Variants in NOVA2 observed in about 807,000 individuals in gnomAD.
NOVA2 encodes the protein NOVA alternative splicing regulator 2.
In NOVA2, 9 loss-of-function variants were observed where a neutral mutation model predicts 22.5. The ratio of observed to expected loss-of-function variants is 0.40; its 90% confidence interval spans 0.24 to 0.70. The LOEUF (loss-of-function observed/expected upper bound fraction) is 0.70, where lower values mean the gene tolerates loss of function less well. Ranked by LOEUF, NOVA2 falls within the 30% of genes least tolerant of loss-of-function variation. NOVA2 has a pLI of 0.38. For missense variants in NOVA2, 383 were observed against 682.8 expected (o/e 0.56, Z 4.89); for synonymous variants, 318 against 335.2 (o/e 0.95, Z 0.56).
At chr19:45,965,622 C>T (rs906477100) in intron 1 of NOVA2, among the ~76,000 whole-genome samples, 1 of 151,944 alleles carries the variant, frequency 6.6e-6, no homozygotes, top group Non-Finnish European at 1.5e-5. Context: ...CCCAGCTACT[C>T]GGGAGGCTGG....
chr19:45,954,307 C>T (rs1967970981), intron 2 of NOVA2, among the ~76,000 whole-genome samples: 1 of 152,196 alleles, frequency 6.6e-6, no homozygotes, highest in Non-Finnish European at 1.5e-5. Flanking sequence ...ACCATTCACT[C>T]ACTCCGCCCC....
At chr19:45,946,251 A>C (rs1207216273) in intron 3 of NOVA2, among the ~76,000 whole-genome samples, 4 of 152,082 alleles carry the variant, frequency 2.6e-5, no homozygotes, top group Non-Finnish European at 4.4e-5. Flanking sequence ...GAAGTGAGCC[A>C]AAATGGCATC....
intron 2 of NOVA2, among the ~76,000 whole-genome samples, chr19:45,959,586 C>T (rs955640375): frequency 6.6e-6 from 1 of 151,772 alleles, no homozygotes; most frequent in Non-Finnish European, 1.5e-5. Context: ...GAAAACTGGG[C>T]CAGGGTGGAA....
chr19:45,959,611 G>A (rs1968063913), intron 2 of NOVA2, among the ~76,000 whole-genome samples: 1 of 151,980 alleles, frequency 6.6e-6, no homozygotes, highest in African/African-American at 2.4e-5. Flanking sequence ...AAAGGAGGAG[G>A]TGTGCCTGGT....
In NOVA2 at chr19:45,940,940, C is replaced by T; in HGVS notation, c.402G>A (p.Lys134=). The T allele has an allele frequency of 6.2e-7, 1 of 1,601,502 alleles. No individual in the cohort carries two copies. The highest frequency in any genetic ancestry group is 8.5e-7 in the Non-Finnish European group (1 of 1,179,084). ...TMNPDRAKQA[K]LIVPNSTAGL... ...CCGCCGTGCTGTTGGGGACGATCAG[C>T]TTGGCCTGCGTGGGGAGCAAAAGGG... The change falls in exon 4 of 4, where the codon AAG becomes AAA. Residue 134 remains lysine, a synonymous_variant. Coordinates refer to ENST00000263257, the MANE Select transcript of NOVA2 (RefSeq NM_002516.4).
chr19:45,961,955 G>T (rs576993087), intron 1 of NOVA2, among the ~76,000 whole-genome samples: 28 of 152,314 alleles, frequency 1.8e-4, no homozygotes, highest in African/African-American at 6.5e-4. Context: ...GAGAGGGGAA[G>T]AATGGGAGGA....
Position 45,940,164 on chromosome 19 carries a change from CCCCCGGCCG to C in NOVA2, c.1169_1177del (p.Ala390_Gly392del), listed in dbSNP as rs747756846. 3 of 1,596,896 alleles carry C rather than the reference CCCCCGGCCG, an allele frequency of 1.9e-6. No individual in the cohort carries two copies. The highest frequency in any genetic ancestry group is 1.7e-6 in the Non-Finnish European group (2 of 1,176,108). Reference sequence around the variant, plus strand: ...CGCCAGCTTCTCCGCCGTCAGGAAGCCCCCGGCCGCCCCGGCCGCGGCTGCAGCGGCCAC... The same window carrying C: ...CGCCAGCTTCTCCGCCGTCAGGAAGCCCCCGGCCGCGGCTGCAGCGGCCAC... On this transcript the variant is annotated inframe_deletion, in exon 4 of 4. Transcript: ENST00000263257.
Position 45,935,458 on chromosome 19 carries a change from C to G in NOVA2, c.*4405G>C, listed in dbSNP as rs562462168. 6.6e-6 allele frequency: 1 copy of G among 152,350 alleles called. No homozygotes were observed. Among genetic ancestry groups the G allele is most frequent in the South Asian group, 2.1e-4 (1 of 4,824 alleles). 9.4% of individuals were successfully genotyped at this position (152,350 alleles called of 1,614,324 possible). On this transcript the variant is annotated 3_prime_UTR_variant, in exon 4 of 4. Coordinates refer to ENST00000263257, the MANE Select transcript of NOVA2 (RefSeq NM_002516.4). ...CCCCAGTAAACCAGTGTCCCTGGCT[C>G]GCCTGTGCCCCAGCTTGGGTATCGC...
chr19:45,939,955 G>A lies in NOVA2; in HGVS notation c.1387C>T (p.Pro463Ser). The A allele has an allele frequency of 1.9e-6, 3 of 1,613,998 alleles. No individual in the cohort carries two copies. Among genetic ancestry groups the A allele is most frequent in the Non-Finnish European group, 2.5e-6 (3 of 1,179,942 alleles). Residue 463 changes from proline (P) to serine (S), a missense_variant, in exon 4 of 4, where the codon CCC becomes TCC. Pro to Ser is a moderately conservative substitution (Grantham distance 74). Transcript: ENST00000263257. ...RNRRVTITGSPAATQAAQYLI... is the reference protein window; with the variant it reads ...RNRRVTITGSSAATQAAQYLI... ...TATTGAGCGGCTTGCGTGGCCGCGG[G>A]GCTGCCCGTGATGGTGACCCGCCGG...
intron 3 of NOVA2, among the ~76,000 whole-genome samples, chr19:45,949,323 A>C (rs1967888427): frequency 1.8e-4 from 1 of 5,508 alleles, no homozygotes. Context: ...TGTTATTTCA[A>C]AAAAAAAAAA....
At chr19:45,958,569 G>A (rs1230594048) in intron 2 of NOVA2, among the ~76,000 whole-genome samples, 3 of 144,922 alleles carry the variant, frequency 2.1e-5, no homozygotes, top group Non-Finnish European at 4.7e-5. Context: ...GTGGGTGTGA[G>A]GGTGTGAGTG....
At chr19:45,968,552 G>C (rs778003260) in intron 1 of NOVA2, among the ~76,000 whole-genome samples, 12 of 152,032 alleles carry the variant, frequency 7.9e-5, no homozygotes, top group Non-Finnish European at 1.5e-4. Flanking sequence ...TTGGATGGTG[G>C]ATGGTGAAAA....
In NOVA2 at chr19:45,940,202, C is replaced by T; in HGVS notation, c.1140G>A (p.Pro380=). 7.2e-7 allele frequency: 1 copy of T among 1,391,342 alleles called. No homozygotes were observed. Among genetic ancestry groups the T allele is most frequent in the Non-Finnish European group, 9.3e-7 (1 of 1,072,796 alleles). The allele number at this position is 1,391,342 out of a possible 1,614,324, so 86.2% of individuals were successfully genotyped here. A position where few individuals can be genotyped will look rare whatever the true frequency, so the allele number is the denominator to read the frequency against. Residue 380 remains proline (P), a synonymous_variant, in exon 4 of 4, where the codon CCG becomes CCA. Transcript: ENST00000263257. ...CGGCCGCGGCTGCAGCGGCCACCAG[C>T]GGGCCGCCCCCTCCGCCCGCCCCGC... ...AGGGAGGGGG[P]LVAAAAAAGA...
chr19:45,948,668 T>C (rs949912021), intron 3 of NOVA2, among the ~76,000 whole-genome samples: 1 of 151,292 alleles, frequency 6.6e-6, no homozygotes, highest in African/African-American at 2.4e-5. Context: ...GTTATCCCCA[T>C]GGATGGAGCT....
intron 3 of NOVA2, among the ~76,000 whole-genome samples, chr19:45,946,022 A>AC (rs397808783): frequency 4.0e-5 from 6 of 149,298 alleles, no homozygotes; most frequent in South Asian, 2.1e-4. Flanking sequence ...AAAAAAAAAA[A>AC]GGCCAGGCAT....
intron 3 of NOVA2, among the ~76,000 whole-genome samples, chr19:45,944,104 C>T (rs1042323852): frequency 6.6e-6 from 1 of 152,128 alleles, no homozygotes; most frequent in African/African-American, 2.4e-5. Flanking sequence ...CTGCCTAATT[C>T]ATTATTCCTT....
intron 1 of NOVA2, among the ~76,000 whole-genome samples, chr19:45,964,272 C>T (rs1433388117): frequency 2.0e-5 from 3 of 149,504 alleles, no homozygotes; most frequent in Admixed American, 1.3e-4. Flanking sequence ...CTCCGCCTCC[C>T]GGGTTCAAGC....
chr19:45,970,602 C>G (rs1238524464), intron 1 of NOVA2, among the ~76,000 whole-genome samples: 1 of 152,046 alleles, frequency 6.6e-6, no homozygotes, highest in Non-Finnish European at 1.5e-5. Context: ...TCTTGAACTC[C>G]TGACCTCAAA....
intron 3 of NOVA2, 43 bp from the exon 4 acceptor site, chr19:45,940,988 T>C (rs550762425): frequency 6.6e-7 from 1 of 1,505,292 alleles, no homozygotes; most frequent in African/African-American, 1.4e-5. Context: ...TTTATTTTTT[T>C]AAAAAATTAA....
Sources: allele counts gnomAD v4.1 joint callset (sites outside exome capture counted in the v4.1 genomes callset), GRCh38; gene constraint gnomAD v4.1.1; transcripts MANE v1.5; gene names NCBI Gene and HGNC (gene_info 2026-07-23, HGNC 2026-07-21).